RAD18: variants seen among roughly 807,000 people sequenced by gnomAD.
RAD18 encodes E3 ubiquitin-protein ligase RAD18.
RAD18 carries 47 observed loss-of-function variants against 60.4 expected under a neutral mutation model. The observed-to-expected ratio is 0.78, with a 90% CI of 0.62 to 0.99. The LOEUF is 0.99. Among genes scored for constraint, RAD18 ranks in the 50% least tolerant of loss-of-function variants. The probability of loss-of-function intolerance (pLI) is 0.00; values close to 1 mark genes in which losing one functional copy is unlikely to be tolerated. For synonymous variants in RAD18, 225 were observed against 195.5 expected, an observed-to-expected ratio of 1.15 and a Z score of -1.26; for missense variants, 640 against 593.3, an observed-to-expected ratio of 1.08 and a Z score of -0.82.
rs1939430075 is a variant in RAD18 at position 8,879,988 on chromosome 3, T to A, written c.*1369A>T. The A allele has an allele frequency of 6.6e-6, 1 of 152,228 alleles. No homozygotes were observed. Among genetic ancestry groups the A allele is most frequent in the South Asian group, 2.1e-4 (1 of 4,836 alleles). The allele number at this position is 152,228 out of a possible 1,614,324, so 9.4% of individuals were successfully genotyped here. On this transcript the variant is annotated 3_prime_UTR_variant, in exon 13 of 13. Coordinates refer to ENST00000264926, the MANE Select transcript of RAD18 (RefSeq NM_020165.4). ...GTGACATAAATATATCCATGTGAGC[T>A]CCTATTTTGTTTGACATGCTCACTT...
At chr3:8,902,590 A>G in intron 9 of RAD18, 70 bp from the exon 10 acceptor site, 2 of 1,448,176 alleles carry the variant, frequency 1.4e-6, no homozygotes, top group Non-Finnish European at 1.9e-6. Flanking sequence ...TGACAAACTG[A>G]ATATCAAGAG....
At chr3:8,890,541 T>A in intron 11 of RAD18, 90 bp from the exon 12 acceptor site, 1 of 995,304 alleles carries the variant, frequency 1.0e-6, no homozygotes, top group Non-Finnish European at 1.5e-6. Context: ...CAAATGAGTC[T>A]ATAGTGACAG....
intron 7 of RAD18, among the ~76,000 whole-genome samples, chr3:8,916,404 A>G (rs1461021576): frequency 6.6e-6 from 1 of 152,248 alleles, no homozygotes; most frequent in Non-Finnish European, 1.5e-5. Flanking sequence ...AGAAATGAAC[A>G]TGGAGAGAGA....
At chr3:8,959,653 G>A (rs563138351) in intron 1 of RAD18, among the ~76,000 whole-genome samples, 1 of 152,356 alleles carries the variant, frequency 6.6e-6, no homozygotes, top group South Asian at 2.1e-4. Context: ...CTTGGAAAGA[G>A]AGATGTGTGC....
At chr3:8,954,490 A>T (rs1275307591) in intron 2 of RAD18, among the ~76,000 whole-genome samples, 1 of 152,208 alleles carries the variant, frequency 6.6e-6, no homozygotes, top group Non-Finnish European at 1.5e-5. Flanking sequence ...TCTATTAGCA[A>T]GACCATTTCT....
At chr3:8,962,386 A>G (rs1439867916) in intron 1 of RAD18, among the ~76,000 whole-genome samples, 1 of 152,214 alleles carries the variant, frequency 6.6e-6, no homozygotes, top group Non-Finnish European at 1.5e-5. Context: ...TCATGCAGAT[A>G]TCTCAAGTCC....
At chr3:8,943,065 A>T (rs1267282376) in intron 4 of RAD18, among the ~76,000 whole-genome samples, 1 of 152,016 alleles carries the variant, frequency 6.6e-6, no homozygotes, top group African/African-American at 2.4e-5. Context: ...AAAACATTAT[A>T]CCAGGCCTTG....
At chr3:8,951,745 C>G (rs865904966) in intron 2 of RAD18, among the ~76,000 whole-genome samples, 4 of 152,330 alleles carry the variant, frequency 2.6e-5, no homozygotes, top group Middle Eastern at 3.4e-3. Flanking sequence ...CAAAAGACTA[C>G]AGGAAAGCAT....
chr3:8,959,491 C>T (rs1941062637), intron 1 of RAD18, among the ~76,000 whole-genome samples: 1 of 152,232 alleles, frequency 6.6e-6, no homozygotes, highest in South Asian at 2.1e-4. Context: ...CAAAAGCAGG[C>T]ACACAATAGT....
At chr3:8,953,978 G>A (rs1396909651) in intron 2 of RAD18, among the ~76,000 whole-genome samples, 2 of 152,112 alleles carry the variant, frequency 1.3e-5, no homozygotes, top group African/African-American at 4.8e-5. Context: ...GATTCTATTA[G>A]GCAAATAATA....
At chr3:8,913,319 CAGT>C (rs1286627148) in intron 8 of RAD18, among the ~76,000 whole-genome samples, 1 of 152,188 alleles carries the variant, frequency 6.6e-6, no homozygotes, top group Non-Finnish European at 1.5e-5. Flanking sequence ...AGGTCCCTAG[CAGT>C]AGCTTAGAGG....
At chr3:8,921,215 C>T (rs1940314149) in intron 7 of RAD18, among the ~76,000 whole-genome samples, 1 of 152,206 alleles carries the variant, frequency 6.6e-6, no homozygotes, top group Non-Finnish European at 1.5e-5. Context: ...ACAAAGGGTA[C>T]AGTCTATGCA....
chr3:8,927,090 A>T (rs1940455163), intron 7 of RAD18, among the ~76,000 whole-genome samples: 1 of 152,232 alleles, frequency 6.6e-6, no homozygotes, highest in African/African-American at 2.4e-5. Context: ...GCTTCTGCAC[A>T]GCAAAAGAAA....
At chr3:8,906,633 C>T (rs139904099) in intron 9 of RAD18, among the ~76,000 whole-genome samples, 222 of 152,220 alleles carry the variant, frequency 1.5e-3, no homozygotes, top group Non-Finnish European at 2.5e-3. Context: ...TCAGAGATCA[C>T]AGTCCTGTGC....
At chr3:8,954,127 T>C (rs1940971115) in intron 2 of RAD18, among the ~76,000 whole-genome samples, 1 of 152,228 alleles carries the variant, frequency 6.6e-6, no homozygotes, top group African/African-American at 2.4e-5. Context: ...TGCTAGTCTT[T>C]AGTTGGAGGG....
intron 7 of RAD18, among the ~76,000 whole-genome samples, chr3:8,920,434 T>C (rs565681575): frequency 4.6e-4 from 70 of 152,270 alleles, no homozygotes; most frequent in Admixed American, 4.2e-3. Flanking sequence ...AAGAATAGTT[T>C]AGAGAAAAAT....
chr3:8,890,942 CT>C (rs1939674453), intron 11 of RAD18, among the ~76,000 whole-genome samples: 1 of 152,046 alleles, frequency 6.6e-6, no homozygotes, highest in African/African-American at 2.4e-5. Context: ...GCTTTTAAAA[CT>C]ATCATCTTCC....
intron 9 of RAD18, among the ~76,000 whole-genome samples, chr3:8,909,970 A>G (rs916459832): frequency 6.6e-6 from 1 of 152,236 alleles, no homozygotes; most frequent in African/African-American, 2.4e-5. Context: ...TGGCAAATGT[A>G]TTCTACCAAA....
At chr3:8,883,755 C>G (rs1939511832) in intron 12 of RAD18, among the ~76,000 whole-genome samples, 1 of 152,122 alleles carries the variant, frequency 6.6e-6, no homozygotes, top group African/African-American at 2.4e-5. Flanking sequence ...TATAGCTGTT[C>G]AAAACCCCCA....
Sources: gnomAD v4.1 joint callset for allele counts (sites outside exome capture counted in the v4.1 genomes callset) on GRCh38, gnomAD v4.1.1 for gene constraint, MANE v1.5 for transcripts, NCBI Gene and HGNC (gene_info 2026-07-23, HGNC 2026-07-21) for gene names.